PLD5: variants seen among roughly 807,000 people sequenced by gnomAD.
PLD5 encodes the protein inactive phospholipase D5.
A neutral mutation model predicts 61.1 loss-of-function variants in PLD5; 36 were observed. The observed-to-expected ratio is 0.59, with a 90% CI of 0.45 to 0.78. The LOEUF is 0.78. Among genes scored for constraint, PLD5 ranks in the 30% least tolerant of loss-of-function variants. The probability of loss-of-function intolerance (pLI) is 0.00; values close to 1 mark genes in which losing one functional copy is unlikely to be tolerated. For synonymous variants in PLD5, 243 were observed against 242.8 expected, an observed-to-expected ratio of 1.00 and a Z score of -0.01; for missense variants, 515 against 644.4, an observed-to-expected ratio of 0.80 and a Z score of 2.17.
chr1:242,416,655 C>T (rs957569844), intron 1 of PLD5, among the ~76,000 whole-genome samples: 7 of 152,156 alleles, frequency 4.6e-5, no homozygotes, highest in African/African-American at 1.7e-4. Context: ...GACTTCCTGG[C>T]CATTGGTCGA....
chr1:242,460,394 A>G (rs1371920829), intron 1 of PLD5, among the ~76,000 whole-genome samples: 5 of 152,162 alleles, frequency 3.3e-5, no homozygotes, highest in Non-Finnish European at 5.9e-5. Flanking sequence ...ACCTAGGAAC[A>G]AAGAGAGAGC....
At chr1:242,241,082 G>A (rs1210858262) in intron 4 of PLD5, among the ~76,000 whole-genome samples, 3 of 152,130 alleles carry the variant, frequency 2.0e-5, no homozygotes, top group South Asian at 4.1e-4. Flanking sequence ...GGAACACTAC[G>A]TTAGACGAGC....
chr1:242,124,149 G>T (rs994991102), intron 6 of PLD5, among the ~76,000 whole-genome samples: 2 of 152,156 alleles, frequency 1.3e-5, no homozygotes, highest in Admixed American at 1.3e-4. Context: ...ATGTCCCATC[G>T]GATGGGCTTT....
At chr1:242,215,054 T>A (rs1466271040) in intron 5 of PLD5, among the ~76,000 whole-genome samples, 1 of 150,332 alleles carries the variant, frequency 6.7e-6, no homozygotes, top group African/African-American at 2.4e-5. Flanking sequence ...TTTTTTTTTT[T>A]TTTTTTTGTA....
intron 1 of PLD5, among the ~76,000 whole-genome samples, chr1:242,363,358 A>T (rs1215427906): frequency 6.6e-6 from 1 of 151,362 alleles, no homozygotes; most frequent in Non-Finnish European, 1.5e-5. Flanking sequence ...GAAAAAAATT[A>T]AAAAATCATA....
At chr1:242,470,015 C>T (rs1667392283) in intron 1 of PLD5, among the ~76,000 whole-genome samples, 1 of 152,080 alleles carries the variant, frequency 6.6e-6, no homozygotes, top group African/African-American at 2.4e-5. Flanking sequence ...GCTTGATGCA[C>T]CAGGAAAAGC....
chr1:242,157,937 C>T (rs1235707800), intron 5 of PLD5, among the ~76,000 whole-genome samples: 14 of 152,208 alleles, frequency 9.2e-5, no homozygotes, highest in Admixed American at 3.9e-4. Context: ...CCCCAGGTGC[C>T]CTGTCCCAGG....
At chr1:242,191,866 G>A (rs1192083563) in intron 5 of PLD5, among the ~76,000 whole-genome samples, 3 of 152,092 alleles carry the variant, frequency 2.0e-5, no homozygotes, top group Non-Finnish European at 2.9e-5. Flanking sequence ...ATAGGAGGGT[G>A]GTTGTGAGGT....
At chr1:242,114,225 G>A (rs1417543868) in intron 6 of PLD5, among the ~76,000 whole-genome samples, 199 bp from the exon 7 acceptor site, 2 of 152,124 alleles carry the variant, frequency 1.3e-5, no homozygotes, top group Non-Finnish European at 2.9e-5. Context: ...TGGGTCTCAA[G>A]TCTGTTTTGG....
chr1:242,495,571 A>G (rs1668344114), intron 1 of PLD5, among the ~76,000 whole-genome samples: 1 of 152,214 alleles, frequency 6.6e-6, no homozygotes, highest in African/African-American at 2.4e-5. Context: ...CGTCTTTACC[A>G]TAATTTTCTT....
intron 5 of PLD5, among the ~76,000 whole-genome samples, chr1:242,139,152 G>C (rs1374949967): frequency 3.9e-5 from 6 of 152,104 alleles, no homozygotes; most frequent in African/African-American, 1.4e-4. Context: ...AAACTTGTCA[G>C]TAACCCCAGG....
chr1:242,265,870 TG>T (rs1295153961), intron 3 of PLD5, among the ~76,000 whole-genome samples: 1 of 152,228 alleles, frequency 6.6e-6, no homozygotes. Flanking sequence ...TTTCTTCCTC[TG>T]CAAAATGCAG....
chr1:242,114,738 A>G (rs1661808765), intron 6 of PLD5, among the ~76,000 whole-genome samples: 1 of 152,048 alleles, frequency 6.6e-6, no homozygotes, highest in South Asian at 2.1e-4. Flanking sequence ...ATGAGATTGT[A>G]ATGCCTGATG....
At chr1:242,511,650 C>A (rs1572270453) in intron 1 of PLD5, among the ~76,000 whole-genome samples, 1 of 151,554 alleles carries the variant, frequency 6.6e-6, no homozygotes, top group Non-Finnish European at 1.5e-5. Context: ...GATCTGTATG[C>A]CTTTAAACCG....
At chr1:242,435,071 G>A (rs1665925154) in intron 1 of PLD5, among the ~76,000 whole-genome samples, 1 of 151,574 alleles carries the variant, frequency 6.6e-6, no homozygotes, top group African/African-American at 2.4e-5. Flanking sequence ...CAGCTGCACA[G>A]TAAGCTGTTC....
intron 5 of PLD5, among the ~76,000 whole-genome samples, chr1:242,202,568 C>T (rs1436584562): frequency 1.3e-5 from 2 of 152,110 alleles, no homozygotes; most frequent in Admixed American, 6.6e-5. Flanking sequence ...GGAGCTAACT[C>T]GAGAGAGGCT....
chr1:242,421,524 A>G lies in PLD5; in HGVS notation c.190-73282T>C, dbSNP rs562823866. On this transcript the variant is annotated intron_variant, in intron 1 of 9. Transcript: ENST00000536534. ...CATACTACTGATGTTCCATTTCCCA[A>G]AGCAAATCATACGACCAAGCCTGAC... 7.2e-5 allele frequency among the ~76,000 whole-genome samples: 11 copies of G among 152,304 alleles called. No homozygotes were observed. The South Asian group carries it at 2.1e-3, about 29-fold the overall frequency.
Position 242,431,799 on chromosome 1 carries a change from G to C in PLD5, c.190-83557C>G, listed in dbSNP as rs1004245675. 7.2e-5 allele frequency among the ~76,000 whole-genome samples: 11 copies of C among 152,220 alleles called. 1 individual carries two copies. The highest frequency in any genetic ancestry group is 2.7e-4 in the African/African-American group (11 of 41,460). ...AGCTCTAGAAAACCAGATGTCCTAA[G>C]TACTCTGTTTTTACTCTGTGCCAGA... On this transcript the variant is annotated intron_variant, in intron 1 of 9. Transcript: ENST00000536534.
At chr1:242,303,156 AG>A (rs1253278505) in intron 2 of PLD5, among the ~76,000 whole-genome samples, 1 of 152,242 alleles carries the variant, frequency 6.6e-6, no homozygotes, top group Non-Finnish European at 1.5e-5. Context: ...CAAGAATTCC[AG>A]TTCTCTTCCT....
Sources: gnomAD v4.1 joint callset for allele counts (sites outside exome capture counted in the v4.1 genomes callset) on GRCh38, gnomAD v4.1.1 for gene constraint, MANE v1.5 for transcripts, NCBI Gene and HGNC (gene_info 2026-07-23, HGNC 2026-07-21) for gene names.